COL11A1: variants seen among roughly 807,000 people sequenced by gnomAD.
COL11A1 encodes the protein collagen type XI alpha 1 chain, also known as collagen alpha-1(XI) chain.
COL11A1 carries 74 observed loss-of-function variants against 265.2 expected under a neutral mutation model. That is an observed-to-expected ratio of 0.28 (90% confidence interval 0.23 to 0.34). The LOEUF is 0.34. COL11A1 is among the 10% of genes least tolerant of loss of function. The probability of loss-of-function intolerance (pLI) is 1.00; values close to 1 mark genes in which losing one functional copy is unlikely to be tolerated. For missense variants in COL11A1, 2,165 were observed against 2,263.6 expected (o/e 0.96, Z 0.88); for synonymous variants, 816 against 727.6 (o/e 1.12, Z -1.96).
chr1:102,972,056 A>G (rs886880567), intron 36 of COL11A1, among the ~76,000 whole-genome samples: 1 of 152,200 alleles, frequency 6.6e-6, no homozygotes, highest in Admixed American at 6.5e-5. Flanking sequence ...GTTGATTGGT[A>G]GTAGACTTCA....
rs149842131 is a variant in COL11A1, at chr1:102,976,289, C to CTTTTTTTTTTTT, written c.2755-1418_2755-1407dup. On this transcript the variant is annotated intron_variant, in intron 35 of 66. Coordinates refer to ENST00000370096, the MANE Select transcript of COL11A1 (RefSeq NM_001854.4). ...TATAAAATTTCACAGAAAACGTTGG[C>CTTTTTTTTTTTT]TTTTTTTTTTTTTTTTTTTTTTTTT... Among the ~76,000 whole-genome samples the CTTTTTTTTTTTT allele has an allele frequency of 9.4e-4, 55 of 58,600 alleles. 14 individuals are homozygous for CTTTTTTTTTTTT. The highest frequency in any genetic ancestry group is 1.5e-3 in the Non-Finnish European group (46 of 31,088). 38.4% of individuals were successfully genotyped at this position (58,600 alleles called of 152,430 possible). A position where few individuals can be genotyped will look rare whatever the true frequency, so the allele number is the denominator to read the frequency against.
intron 49 of COL11A1, among the ~76,000 whole-genome samples, chr1:102,919,221 C>T (rs1655693348): frequency 1.3e-5 from 2 of 151,922 alleles, no homozygotes; most frequent in Admixed American, 1.3e-4. Context: ...TTAAAAAAGG[C>T]AGTCAATCAA....
chr1:102,961,207 T>TA lies in COL11A1; in HGVS notation c.3168+658dup, dbSNP rs756686295. ...CAGATAAGAATAAAGGTGAATTTATTAAAAAATGAAGCATACATTCAATTG... is the reference window on the plus strand; with the variant it reads ...CAGATAAGAATAAAGGTGAATTTATTAAAAAAATGAAGCATACATTCAATTG... On this transcript the variant is annotated intron_variant, in intron 41 of 66. Coordinates refer to ENST00000370096, the MANE Select transcript of COL11A1 (RefSeq NM_001854.4). Among the ~76,000 whole-genome samples, 4 of 152,212 alleles carry TA rather than the reference T, an allele frequency of 2.6e-5. No individual in the cohort carries two copies. The East Asian group carries it at 5.8e-4, about 22-fold the overall frequency.
intron 4 of COL11A1, among the ~76,000 whole-genome samples, chr1:103,074,241 A>C (rs1671801016): frequency 6.6e-6 from 1 of 152,116 alleles, no homozygotes; most frequent in African/African-American, 2.4e-5. Context: ...AGAGGAAGGC[A>C]AAATATATGA....
chr1:102,879,967 G>C, intron 65 of COL11A1, 51 bp from the exon 66 acceptor site: 1 of 1,221,416 alleles, frequency 8.2e-7, no homozygotes, highest in South Asian at 1.2e-5. Context: ...CCTCTTTTAT[G>C]CTACAAAGAA....
chr1:102,896,660 T>G (rs534268331), intron 57 of COL11A1, among the ~76,000 whole-genome samples: 3 of 152,338 alleles, frequency 2.0e-5, no homozygotes, highest in African/African-American at 7.2e-5. Context: ...TCTTGCGCTG[T>G]AAACTCACAT....
intron 4 of COL11A1, among the ~76,000 whole-genome samples, chr1:103,037,663 T>C (rs1035915800): frequency 6.6e-6 from 1 of 152,160 alleles, no homozygotes; most frequent in African/African-American, 2.4e-5. Flanking sequence ...TCAATTATAA[T>C]TGAAAAATGA....
intron 30 of COL11A1, among the ~76,000 whole-genome samples, chr1:102,985,548 T>C (rs556494160): frequency 6.6e-6 from 1 of 152,304 alleles, no homozygotes; most frequent in South Asian, 2.1e-4. Flanking sequence ...ATTTGTTTTC[T>C]TTGGTAATTA....
intron 28 of COL11A1, among the ~76,000 whole-genome samples, chr1:102,990,027 A>C (rs1322821656): frequency 6.6e-6 from 1 of 152,098 alleles, no homozygotes; most frequent in Admixed American, 6.6e-5. Context: ...TCTACAAAAA[A>C]TACAAAAATT....
chr1:102,963,584 G>C (rs11164646), intron 38 of COL11A1, among the ~76,000 whole-genome samples: 225 of 152,224 alleles, frequency 1.5e-3, no homozygotes, highest in African/African-American at 5.3e-3. Context: ...TGTTAAACAG[G>C]AGAATGTGTT....
At chr1:102,962,144 A>C (rs1483784364) in intron 40 of COL11A1, 32 bp downstream of exon 40, 29 of 1,528,262 alleles carry the variant, frequency 1.9e-5, no homozygotes, top group Non-Finnish European at 2.5e-5. Flanking sequence ...AATTGGAATC[A>C]CTTGCTTTAT....
At position 102,998,534 on chromosome 1, in the gene COL11A1, T is replaced by A. The variant is rs547796489; in HGVS notation, c.2143-171A>T. 1.3e-3 allele frequency among the ~76,000 whole-genome samples: 195 copies of A among 152,090 alleles called. 1 individual carries two copies. The highest frequency in any genetic ancestry group is 0.01 in the Middle Eastern group (3 of 294). On this transcript the variant is annotated intron_variant, in intron 24 of 66. Coordinates refer to ENST00000370096, the MANE Select transcript of COL11A1 (RefSeq NM_001854.4). ...ATTTGGAGGAAATGCCATGTAAAGA[T>A]AAATTAAAACTAAATTTAACATGTC... is the stretch of plus-strand genomic sequence containing the variant.
At chr1:103,039,290 T>G (rs1668626024) in intron 4 of COL11A1, among the ~76,000 whole-genome samples, 1 of 152,284 alleles carries the variant, frequency 6.6e-6, no homozygotes, top group Admixed American at 6.5e-5. Context: ...ATCTTATACC[T>G]ATTTTTTTCA....
intron 44 of COL11A1, among the ~76,000 whole-genome samples, chr1:102,937,173 T>C (rs991674879): frequency 6.6e-6 from 1 of 152,178 alleles, no homozygotes; most frequent in Admixed American, 6.5e-5. Flanking sequence ...TTCATTCATA[T>C]GATAGTAACC....
At chr1:102,976,292 T>TGG in intron 35 of COL11A1, among the ~76,000 whole-genome samples, 1 of 50,976 alleles carries the variant, frequency 2.0e-5, no homozygotes, top group African/African-American at 1.8e-4. Flanking sequence ...ACGTTGGCTT[T>TGG]TTTTTTTTTT....
chr1:103,001,642 G>A, intron 24 of COL11A1: 1 of 465,136 alleles, frequency 2.1e-6, no homozygotes, highest in East Asian at 3.2e-5. Context: ...CTAAAATAAA[G>A]AGAAAATATT....
chr1:102,977,051 C>T (rs1662562198), intron 35 of COL11A1, among the ~76,000 whole-genome samples: 1 of 152,026 alleles, frequency 6.6e-6, no homozygotes, highest in South Asian at 2.1e-4. Flanking sequence ...ATATAATGAT[C>T]ATGAGAGAGT....
chr1:102,887,053 G>C lies in COL11A1; in HGVS notation c.4612C>G (p.Pro1538Ala), dbSNP rs749767116. ...GLPGPPGSPG[P>A]PGEVIQPLPI... The stretch of plus-strand genomic sequence containing the variant: ...AAAGGCTGAATGACTTCACCAGGTG[G>C]ACCCTGTAAAGAAGATAATGTGAGT... Residue 1538 changes from proline to alanine, a missense_variant, in exon 63 of 67, where the codon CCA (proline) becomes GCA (alanine). Coordinates refer to ENST00000370096, the MANE Select transcript of COL11A1 (RefSeq NM_001854.4). 3.7e-6 allele frequency: 6 copies of C among 1,613,718 alleles called. No homozygotes were observed. Among genetic ancestry groups the C allele is most frequent in the Non-Finnish European group, 4.2e-6 (5 of 1,179,770 alleles).
At chr1:103,055,572 A>G (rs1670182638) in intron 4 of COL11A1, among the ~76,000 whole-genome samples, 1 of 152,164 alleles carries the variant, frequency 6.6e-6, no homozygotes, top group Non-Finnish European at 1.5e-5. Context: ...AATTGTACCA[A>G]TTTTAGGGAT....
Sources: gnomAD v4.1 joint callset for allele counts (sites outside exome capture counted in the v4.1 genomes callset) on GRCh38, gnomAD v4.1.1 for gene constraint, MANE v1.5 for transcripts, NCBI Gene and HGNC (gene_info 2026-07-23, HGNC 2026-07-21) for gene names.